The following GOLM2 variants were observed in gnomAD, a reference collection of about 807,000 sequenced individuals.
GOLM2 encodes the protein protein GOLM2.
Under a neutral mutation model 55.9 loss-of-function variants are expected in GOLM2, and 26 were observed. That is an observed-to-expected ratio of 0.47 (90% CI 0.34 to 0.65). GOLM2 has a LOEUF of 0.65. Among genes scored for constraint, GOLM2 ranks in the 30% least tolerant of loss-of-function variants. The pLI is 0.01. For synonymous variants in GOLM2, 165 were observed against 194.6 expected (o/e 0.85, Z 1.27); for missense variants, 486 against 531.8 (o/e 0.91, Z 0.85).
intron 1 of GOLM2, among the ~76,000 whole-genome samples, chr15:44,299,385 C>T (rs899374962): frequency 5.3e-5 from 8 of 151,804 alleles, no homozygotes; most frequent in Admixed American, 4.6e-4. Context: ...CTCCACCTCC[C>T]GAGTTCAAGT....
chr15:44,370,421 A>G (rs867709605), intron 6 of GOLM2, among the ~76,000 whole-genome samples: 2 of 152,126 alleles, frequency 1.3e-5, no homozygotes, highest in Non-Finnish European at 2.9e-5. Flanking sequence ...TAATTAGTCT[A>G]GTGTGGTGAT....
chr15:44,298,102 C>A (rs941108513), intron 1 of GOLM2, among the ~76,000 whole-genome samples: 2 of 151,550 alleles, frequency 1.3e-5, no homozygotes, highest in African/African-American at 4.9e-5. Flanking sequence ...AACTCCTGAC[C>A]TTGTGAACCG....
At chr15:44,370,242 G>A (rs2079321141) in intron 6 of GOLM2, among the ~76,000 whole-genome samples, 1 of 152,174 alleles carries the variant, frequency 6.6e-6, no homozygotes, top group South Asian at 2.1e-4. Context: ...TTTCAGTCCA[G>A]TGAAGTTGAC....
intron 1 of GOLM2, among the ~76,000 whole-genome samples, chr15:44,305,673 A>T (rs1033795743): frequency 1.3e-5 from 2 of 152,176 alleles, no homozygotes; most frequent in African/African-American, 4.8e-5. Context: ...GCCCAGATCC[A>T]TCAGAGGAAT....
rs998751275 is a variant in GOLM2 at position 44,314,997 on chromosome 15, G to C, written c.328-7968G>C. Among the ~76,000 whole-genome samples, 3 of 152,316 alleles carry C rather than the reference G, an allele frequency of 2.0e-5. No individual in the cohort carries two copies. The East Asian group carries it at 5.8e-4, about 29-fold the overall frequency. ...ATTAATGCTATTCCATTTTGATCCAGCTGGTATAGGTGTTAACCATGCTAT... is the reference window on the plus strand; with the variant it reads ...ATTAATGCTATTCCATTTTGATCCACCTGGTATAGGTGTTAACCATGCTAT... On this transcript the variant is annotated intron_variant, in intron 1 of 9. Transcript: ENST00000299957.
At chr15:44,310,472 A>T (rs559125972) in intron 1 of GOLM2, among the ~76,000 whole-genome samples, 5 of 119,670 alleles carry the variant, frequency 4.2e-5, no homozygotes, top group South Asian at 2.4e-4. Context: ...ATATATATGT[A>T]TATATATATA....
chr15:44,387,121 G>GCTGAGATT (rs1377259303), intron 8 of GOLM2, among the ~76,000 whole-genome samples: 2 of 151,160 alleles, frequency 1.3e-5, no homozygotes, highest in East Asian at 3.9e-4. Flanking sequence ...GCTGCAGGGA[G>GCTGAGATT]CTGAGATTCT....
chr15:44,393,748 G>A (rs960022881), intron 8 of GOLM2, among the ~76,000 whole-genome samples: 1 of 152,162 alleles, frequency 6.6e-6, no homozygotes, highest in Non-Finnish European at 1.5e-5. Context: ...CTGGAGTGCA[G>A]TGGCGCAATC....
At chr15:44,374,821 G>A (rs964759464) in intron 6 of GOLM2, among the ~76,000 whole-genome samples, 2 of 152,056 alleles carry the variant, frequency 1.3e-5, no homozygotes, top group Admixed American at 6.6e-5. Context: ...CCCCACCTCC[G>A]ACACTGGGGA....
chr15:44,338,401 G>C lies in GOLM2; in HGVS notation c.802+84G>C, dbSNP rs1269436787. The C allele has an allele frequency of 5.0e-6, 5 of 1,001,986 alleles. No individual in the cohort carries two copies. In the African/African-American group the frequency reaches 8.0e-5, roughly 16 times the overall value. 62.1% of individuals were successfully genotyped at this position (1,001,986 alleles called of 1,614,324 possible). A position where few individuals can be genotyped will look rare whatever the true frequency, so the allele number is the denominator to read the frequency against. On this transcript the variant is annotated intron_variant, in intron 6 of 9. Transcript: ENST00000299957. Reference sequence around the variant, plus strand: ...CCATTCTCTTTTTCGGTAACACTTGGAAAAGTCACAGATATCTGGATGATC... The same window carrying C: ...CCATTCTCTTTTTCGGTAACACTTGCAAAAGTCACAGATATCTGGATGATC...
intron 1 of GOLM2, among the ~76,000 whole-genome samples, chr15:44,314,430 A>G (rs1048487658): frequency 1.3e-5 from 2 of 151,298 alleles, no homozygotes; most frequent in African/African-American, 4.9e-5. Context: ...ATGGTGGTGT[A>G]TGCCTGTAAT....
chr15:44,389,012 T>C (rs1433064653), intron 8 of GOLM2, among the ~76,000 whole-genome samples: 1 of 151,686 alleles, frequency 6.6e-6, no homozygotes, highest in Non-Finnish European at 1.5e-5. Flanking sequence ...AGAGACGGGG[T>C]TTCACTATGT....
rs2079661726 is a variant in GOLM2 at position 44,414,676 on chromosome 15, C to T, written c.*1270C>T. The T allele has an allele frequency of 6.6e-6, 1 of 152,206 alleles. No homozygotes were observed. Among genetic ancestry groups the T allele is most frequent in the African/African-American group, 2.4e-5 (1 of 41,430 alleles). 9.4% of individuals were successfully genotyped at this position (152,206 alleles called of 1,614,324 possible). On this transcript the variant is annotated 3_prime_UTR_variant, in exon 10 of 10. Transcript: ENST00000299957. ...AGAAGTACTAAATAAGGAATTTTAA[C>T]AGGTTTTTATTAATGCACAGATAAA...
At chr15:44,350,789 G>A (rs2079156356) in intron 6 of GOLM2, among the ~76,000 whole-genome samples, 1 of 152,134 alleles carries the variant, frequency 6.6e-6, no homozygotes. Flanking sequence ...GAACAAGTGG[G>A]TTTTATCCCA....
chr15:44,392,563 C>T (rs2141204621), intron 8 of GOLM2, among the ~76,000 whole-genome samples: 1 of 150,164 alleles, frequency 6.7e-6, no homozygotes, highest in South Asian at 2.1e-4. Context: ...GCGGAGGTTG[C>T]AGTGAGCCAA....
intron 1 of GOLM2, among the ~76,000 whole-genome samples, chr15:44,318,606 G>A (rs1164552857): frequency 6.6e-6 from 1 of 152,102 alleles, no homozygotes; most frequent in African/African-American, 2.4e-5. Context: ...CTACTTGGGA[G>A]GCTAAGGCAG....
intron 6 of GOLM2, among the ~76,000 whole-genome samples, chr15:44,349,646 T>C (rs951355870): frequency 1.3e-5 from 2 of 152,176 alleles, no homozygotes; most frequent in Non-Finnish European, 2.9e-5. Flanking sequence ...ATGGACCTAA[T>C]AGATATTTAC....
intron 3 of GOLM2, among the ~76,000 whole-genome samples, chr15:44,331,518 G>A (rs918701391): frequency 5.9e-5 from 9 of 151,786 alleles, no homozygotes; most frequent in Non-Finnish European, 8.8e-5. Context: ...AGTTTCTTTC[G>A]TTCCTAGTAT....
At chr15:44,400,924 G>A (rs1234796550) in intron 8 of GOLM2, among the ~76,000 whole-genome samples, 1 of 152,052 alleles carries the variant, frequency 6.6e-6, no homozygotes, top group African/African-American at 2.4e-5. Context: ...GTTCTTTAAC[G>A]ATTTTTCCTG....
Sources: gnomAD v4.1 joint callset for allele counts (sites outside exome capture counted in the v4.1 genomes callset) on GRCh38, gnomAD v4.1.1 for gene constraint, MANE v1.5 for transcripts, NCBI Gene and HGNC (gene_info 2026-07-23, HGNC 2026-07-21) for gene names.